The following CHODL variants were observed in gnomAD, a reference collection of about 807,000 sequenced individuals.
The protein encoded by CHODL is transmembrane protein MT75.
CHODL carries 29 observed loss-of-function variants against 34.5 expected under a neutral mutation model. The observed-to-expected ratio is 0.84, with a 90% CI of 0.63 to 1.15. The LOEUF (loss-of-function observed/expected upper bound fraction) is 1.15. Among genes scored for constraint, CHODL ranks in the 50% most tolerant of loss-of-function variants. The probability of loss-of-function intolerance (pLI) is 0.00; values close to 1 mark genes in which losing one functional copy is unlikely to be tolerated. For missense variants in CHODL, 332 were observed against 332.5 expected (o/e 1.00, Z 0.01); for synonymous variants, 125 against 116.1 (o/e 1.08, Z -0.49).
At chr21:18,260,721 G>A (rs1432468250) in intron 4 of CHODL, among the ~76,000 whole-genome samples, 2 of 152,106 alleles carry the variant, frequency 1.3e-5, no homozygotes, top group African/African-American at 4.8e-5. Context: ...GCTGAGGTGG[G>A]AGAATCACCT....
At chr21:17,934,402 TACTC>T (rs1203504441) in intron 1 of CHODL, among the ~76,000 whole-genome samples, 4 of 151,396 alleles carry the variant, frequency 2.6e-5, no homozygotes, top group Non-Finnish European at 5.9e-5. Flanking sequence ...AGCTTTTTAA[TACTC>T]AGTTCACATT....
chr21:18,138,062 T>C (rs897087862), intron 2 of CHODL, among the ~76,000 whole-genome samples: 1 of 152,182 alleles, frequency 6.6e-6, no homozygotes, highest in Non-Finnish European at 1.5e-5. Flanking sequence ...GTCAGGTTCA[T>C]TTTGCCCTTC....
intron 2 of CHODL, among the ~76,000 whole-genome samples, chr21:18,081,712 G>A (rs1389320830): frequency 6.6e-6 from 1 of 151,488 alleles, no homozygotes; most frequent in Non-Finnish European, 1.5e-5. Context: ...GAGGGTGAAA[G>A]TGGGCATCTT....
At chr21:18,161,084 G>C (rs1440570485) in intron 2 of CHODL, among the ~76,000 whole-genome samples, 1 of 152,064 alleles carries the variant, frequency 6.6e-6, no homozygotes, top group Admixed American at 6.6e-5. Flanking sequence ...AAGTGATGTT[G>C]AGCTTTTTTT....
At chr21:17,952,164 G>A (rs1243210456) in intron 1 of CHODL, among the ~76,000 whole-genome samples, 1 of 125,390 alleles carries the variant, frequency 8.0e-6, no homozygotes, top group Non-Finnish European at 1.6e-5. Flanking sequence ...GCTTCAGTGA[G>A]CCATGATTGT....
At chr21:17,993,362 C>T (rs1236540289) in intron 1 of CHODL, among the ~76,000 whole-genome samples, 1 of 152,140 alleles carries the variant, frequency 6.6e-6, no homozygotes, top group East Asian at 1.9e-4. Flanking sequence ...GATCTTCTCC[C>T]TCCTCTCACC....
At chr21:17,999,986 A>G (rs146937915) in intron 1 of CHODL, among the ~76,000 whole-genome samples, 2 of 152,338 alleles carry the variant, frequency 1.3e-5, no homozygotes, top group South Asian at 2.1e-4. Flanking sequence ...TCCATAGTAA[A>G]GAAGAAATAA....
At chr21:18,151,936 T>C (rs1160832836) in intron 2 of CHODL, among the ~76,000 whole-genome samples, 2 of 152,036 alleles carry the variant, frequency 1.3e-5, no homozygotes, top group Non-Finnish European at 1.5e-5. Context: ...GATTTTAACA[T>C]GTGGTTTTGA....
At chr21:18,082,142 G>A (rs1009369179) in intron 2 of CHODL, among the ~76,000 whole-genome samples, 3 of 152,158 alleles carry the variant, frequency 2.0e-5, no homozygotes, top group Non-Finnish European at 2.9e-5. Context: ...TGCTGTTCTT[G>A]TATTAGTGAG....
chr21:18,076,163 G>C (rs1466269177), intron 2 of CHODL, among the ~76,000 whole-genome samples: 1 of 152,342 alleles, frequency 6.6e-6, no homozygotes, highest in Non-Finnish European at 1.5e-5. Context: ...TAAAAATGTG[G>C]AAGTGGCTTT....
intron 2 of CHODL, among the ~76,000 whole-genome samples, chr21:18,200,978 C>A (rs923691641): frequency 1.3e-5 from 2 of 152,086 alleles, no homozygotes; most frequent in African/African-American, 4.8e-5. Context: ...AGGAACAGAG[C>A]CCTGCCAACT....
chr21:18,058,981 C>A (rs1269305678), intron 2 of CHODL, among the ~76,000 whole-genome samples: 2 of 152,154 alleles, frequency 1.3e-5, no homozygotes, highest in East Asian at 3.9e-4. Flanking sequence ...GAAGTTACAT[C>A]CCTGACCTGG....
intron 2 of CHODL, among the ~76,000 whole-genome samples, chr21:18,211,728 A>G (rs1052957536): frequency 6.6e-6 from 1 of 152,222 alleles, no homozygotes; most frequent in East Asian, 1.9e-4. Flanking sequence ...TCATATATCA[A>G]GTGTGCAATA....
chr21:18,173,577 TG>T (rs1222735023), intron 2 of CHODL, among the ~76,000 whole-genome samples: 1 of 152,192 alleles, frequency 6.6e-6, no homozygotes, highest in Non-Finnish European at 1.5e-5. Flanking sequence ...TTGTAAAGTA[TG>T]GTCTTTTCAG....
At chr21:18,147,481 T>G (rs1247613325) in intron 2 of CHODL, among the ~76,000 whole-genome samples, 1 of 152,222 alleles carries the variant, frequency 6.6e-6, no homozygotes. Flanking sequence ...AAAGACAAGA[T>G]CTTAGAGAAA....
At chr21:18,062,775 A>G (rs1339421550) in intron 2 of CHODL, among the ~76,000 whole-genome samples, 1 of 152,068 alleles carries the variant, frequency 6.6e-6, no homozygotes, top group Non-Finnish European at 1.5e-5. Context: ...CAAACAAAAC[A>G]AAGTGTGGAG....
intron 1 of CHODL, among the ~76,000 whole-genome samples, chr21:18,255,717 GTACT>G (rs1446485570): frequency 5.3e-5 from 8 of 151,594 alleles, no homozygotes; most frequent in Non-Finnish European, 1.2e-4. Context: ...TTTTAAAAAA[GTACT>G]TAATTCTTTA....
intron 1 of CHODL, among the ~76,000 whole-genome samples, chr21:17,932,055 C>T (rs1277033859): frequency 6.6e-6 from 1 of 152,122 alleles, no homozygotes; most frequent in Non-Finnish European, 1.5e-5. Flanking sequence ...GACTATGCAT[C>T]TGACAAACAA....
chr21:17,934,946 G>A (rs374056327), intron 1 of CHODL, among the ~76,000 whole-genome samples: 11 of 152,242 alleles, frequency 7.2e-5, no homozygotes, highest in East Asian at 5.8e-4. Context: ...TGGGCAGCCC[G>A]CAGTGCTAAG....
Sources: allele counts gnomAD v4.1 joint callset (sites outside exome capture counted in the v4.1 genomes callset), GRCh38; gene constraint gnomAD v4.1.1; transcripts MANE v1.5; gene names NCBI Gene and HGNC (gene_info 2026-07-23, HGNC 2026-07-21).